Variants in PCDHA8 observed in about 807,000 individuals in gnomAD.
PCDHA8 encodes the protein protocadherin alpha 8, also known as protocadherin alpha-8.
A neutral mutation model predicts 61.8 loss-of-function variants in PCDHA8; 53 were observed. The observed-to-expected ratio is 0.86, with a 90% CI of 0.69 to 1.08. The LOEUF (loss-of-function observed/expected upper bound fraction) is 1.08. Ranked by LOEUF, PCDHA8 falls within the 50% of genes least tolerant of loss-of-function variation. The pLI is 0.00. For synonymous variants in PCDHA8, 618 were observed against 556.6 expected (o/e 1.11, Z -1.55); for missense variants, 1,293 against 1,245.0 (o/e 1.04, Z -0.58).
intron 1 of PCDHA8, chr5:140,869,869 G>T: frequency 6.2e-7 from 1 of 1,610,244 alleles, no homozygotes; most frequent in Non-Finnish European, 8.5e-7. Flanking sequence ...GGAAAATGCT[G>T]CTAAAGAAAC....
intron 1 of PCDHA8, among the ~76,000 whole-genome samples, chr5:140,907,316 A>G (rs2073307783): frequency 6.6e-6 from 1 of 152,194 alleles, no homozygotes; most frequent in African/African-American, 2.4e-5. Flanking sequence ...GAACATGTAA[A>G]GACCAGTGAA....
chr5:140,959,085 G>A (rs1286885776), intron 1 of PCDHA8, among the ~76,000 whole-genome samples: 8 of 151,980 alleles, frequency 5.3e-5, no homozygotes, highest in African/African-American at 1.9e-4. Flanking sequence ...ATTATCCTTG[G>A]TTTCGGACAT....
chr5:140,858,642 T>C, intron 1 of PCDHA8: 1 of 930,744 alleles, frequency 1.1e-6, no homozygotes, highest in South Asian at 1.9e-5. Context: ...CTTTGATTGG[T>C]ACTTAAATTT....
intron 1 of PCDHA8, among the ~76,000 whole-genome samples, chr5:140,915,400 T>C (rs1554196884): frequency 6.6e-6 from 1 of 152,224 alleles, no homozygotes; most frequent in East Asian, 1.9e-4. Context: ...GTATTTCTTA[T>C]AGTCTTTGCA....
At chr5:140,949,042 G>A (rs2094338452) in intron 1 of PCDHA8, among the ~76,000 whole-genome samples, 2 of 151,644 alleles carry the variant, frequency 1.3e-5, no homozygotes, top group African/African-American at 2.4e-5. Flanking sequence ...TTAAAAGTAT[G>A]TTCTAATTTC....
In PCDHA8 at chr5:140,883,981, C is replaced by T. The variant is rs781859248; in HGVS notation, c.2394+40266C>T. 9.3e-6 allele frequency: 15 copies of T among 1,612,896 alleles called. No homozygotes were observed. In the South Asian group the frequency reaches 1.5e-4, roughly 17 times the overall value. ...CGGCGCTGCTGACGCCCGGGGCTGG[C>T]AGCGCGGGAGGCACAGTGAGCGAGC... On this transcript the variant is annotated intron_variant, in intron 1 of 3. Coordinates refer to ENST00000531613, the MANE Select transcript of PCDHA8 (RefSeq NM_018911.3).
intron 1 of PCDHA8, among the ~76,000 whole-genome samples, chr5:140,846,947 G>T (rs772178263): frequency 6.7e-6 from 1 of 149,632 alleles, no homozygotes; most frequent in African/African-American, 2.4e-5. Flanking sequence ...ACTTGAAGGG[G>T]CATGGTGTGT....
rs994477615 is a variant in PCDHA8 at position 140,861,542 on chromosome 5, C to T, written c.2394+17827C>T. On this transcript the variant is annotated intron_variant, in intron 1 of 3. Coordinates refer to ENST00000531613, the MANE Select transcript of PCDHA8 (RefSeq NM_018911.3). ...GGAGGATCTCGGAGTGCAGCATCCA[C>T]CTGGAAGTGATCGTGGACAAGCTGC... is the stretch of plus-strand genomic sequence containing the variant. The T allele has an allele frequency of 4.0e-5, 17 of 424,962 alleles. No homozygotes were observed. In the East Asian group the frequency reaches 1.2e-3, roughly 30 times the overall value. The allele number at this position is 424,962 out of a possible 1,614,324, so 26.3% of individuals were successfully genotyped here.
At chr5:140,856,019 C>G in intron 1 of PCDHA8, 1 of 1,551,820 alleles carries the variant, frequency 6.4e-7, no homozygotes, top group Non-Finnish European at 8.7e-7. Flanking sequence ...ACCGCTGATT[C>G]GTCGATTTGT....
In PCDHA8 at chr5:140,850,628, G is replaced by A. The variant is rs2150491387; in HGVS notation, c.2394+6913G>A. The stretch of plus-strand genomic sequence containing the variant: ...CCATCTGCGCGGTGTCTAGCCTGTT[G>A]GTTCTCACGCTGCTGCTGTACACTG... On this transcript the variant is annotated intron_variant, in intron 1 of 3. Coordinates refer to ENST00000531613, the MANE Select transcript of PCDHA8 (RefSeq NM_018911.3). 2.4e-5 allele frequency: 38 copies of A among 1,598,590 alleles called. 4 individuals carry two copies. In the Middle Eastern group the frequency reaches 1.3e-3, roughly 56 times the overall value.
At chr5:140,863,336 T>A (rs782350790) in intron 1 of PCDHA8, 1 of 1,385,482 alleles carries the variant, frequency 7.2e-7, no homozygotes, top group Admixed American at 1.8e-5. Flanking sequence ...GTGCTCACGT[T>A]GCTGCTGTAC....
intron 3 of PCDHA8, among the ~76,000 whole-genome samples, chr5:141,009,383 C>T (rs2098407441): frequency 6.6e-6 from 1 of 152,198 alleles, no homozygotes; most frequent in African/African-American, 2.4e-5. Flanking sequence ...TGATTGAGCA[C>T]AGGAGGTCGA....
intron 1 of PCDHA8, chr5:140,870,144 T>C (rs782683134): frequency 1.9e-6 from 3 of 1,614,058 alleles, no homozygotes; most frequent in Admixed American, 1.7e-5. Flanking sequence ...ATAACTCTCC[T>C]GAAGTCGCCG....
chr5:140,927,953 C>T (rs782230690), intron 1 of PCDHA8: 48 of 1,614,090 alleles, frequency 3.0e-5, no homozygotes, highest in Non-Finnish European at 2.1e-5. Flanking sequence ...GAGGACGCTG[C>T]CCCTGGCACA....
chr5:140,904,039 A>T (rs947456842), intron 1 of PCDHA8, among the ~76,000 whole-genome samples: 5 of 152,138 alleles, frequency 3.3e-5, no homozygotes, highest in Non-Finnish European at 7.4e-5. Context: ...TAACTTTTTA[A>T]TTTTTTTATT....
chr5:140,857,273 G>A, intron 1 of PCDHA8: 3 of 1,598,730 alleles, frequency 1.9e-6, no homozygotes, highest in Middle Eastern at 1.7e-4. Context: ...ATTGGTGCTG[G>A]ACAGCGCTCT....
intron 1 of PCDHA8, chr5:140,883,733 C>G (rs1554179634): frequency 3.1e-6 from 5 of 1,613,458 alleles, no homozygotes; most frequent in African/African-American, 1.3e-5. Flanking sequence ...GGAGAACGCG[C>G]TGGTCTCCTA....
chr5:140,995,324 G>A (rs1290299693), intron 3 of PCDHA8, among the ~76,000 whole-genome samples: 1 of 152,190 alleles, frequency 6.6e-6, no homozygotes, highest in African/African-American at 2.4e-5. Context: ...GAACTAACAG[G>A]TGAGTAGTGT....
rs2150382245 is a variant in PCDHA8, at chr5:140,845,891, G to A, written c.2394+2176G>A. On this transcript the variant is annotated intron_variant, in intron 1 of 3. Coordinates refer to ENST00000531613, the MANE Select transcript of PCDHA8 (RefSeq NM_018911.3). ...AGGCAACCTAAAATGTCAGAAAGTC[G>A]TTATGGCCTTCCATATTAATCTTAT... 6.7e-5 allele frequency among the ~76,000 whole-genome samples: 10 copies of A among 149,728 alleles called. 1 individual carries two copies. Among genetic ancestry groups the A allele is most frequent in the East Asian group, 3.9e-4 (2 of 5,176 alleles).
Sources: allele counts gnomAD v4.1 joint callset (sites outside exome capture counted in the v4.1 genomes callset), GRCh38; gene constraint gnomAD v4.1.1; transcripts MANE v1.5; gene names NCBI Gene and HGNC (gene_info 2026-07-23, HGNC 2026-07-21).